Variants in CGRRF1 observed in about 807,000 individuals in gnomAD.
CGRRF1 encodes the protein cell growth regulator with RING finger domain protein 1.
A neutral mutation model predicts 37.2 loss-of-function variants in CGRRF1; 32 were observed. The ratio of observed to expected loss-of-function variants is 0.86; its 90% CI spans 0.65 to 1.16. The LOEUF (loss-of-function observed/expected upper bound fraction) is 1.16, where lower values mean the gene tolerates loss of function less well. Among genes scored for constraint, CGRRF1 ranks in the 50% most tolerant of loss-of-function variants. The pLI, the probability that CGRRF1 is intolerant of heterozygous loss-of-function variation, is 0.00. For synonymous variants in CGRRF1, 141 were observed against 140.3 expected (o/e 1.00, Z -0.04); for missense variants, 391 against 382.6 (o/e 1.02, Z -0.18).
chr14:54,514,029 C>T (rs1361507109), intron 1 of CGRRF1, among the ~76,000 whole-genome samples: 2 of 152,026 alleles, frequency 1.3e-5, no homozygotes, highest in East Asian at 3.9e-4. Context: ...ACAGAAGCTG[C>T]TTACTTTTGA....
rs1245012621 is a variant in CGRRF1, at chr14:54,530,283, A to ACC, written c.422+57_422+58insCC. 6 of 1,432,518 alleles carry ACC rather than the reference A, an allele frequency of 4.2e-6. No individual in the cohort carries two copies. The Admixed American group carries it at 9.1e-5, about 22-fold the overall frequency. The allele number at this position is 1,432,518 out of a possible 1,614,324, so 88.7% of individuals were successfully genotyped here. A position where few individuals can be genotyped will look rare whatever the true frequency, so the allele number is the denominator to read the frequency against. ...TGAAAATTAGACTTCTTATGGATAAAGTGTTGCTAACTTATTGATCATTCT... is the reference window on the plus strand; with the variant it reads ...TGAAAATTAGACTTCTTATGGATAAACCGTGTTGCTAACTTATTGATCATTCT... On this transcript the variant is annotated intron_variant, in intron 3 of 5. Transcript: ENST00000216420.
At chr14:54,512,426 A>G (rs2032144402) in intron 1 of CGRRF1, among the ~76,000 whole-genome samples, 2 of 152,242 alleles carry the variant, frequency 1.3e-5, no homozygotes, top group African/African-American at 2.4e-5. Flanking sequence ...AAGAAGCCCA[A>G]AAGTCCATTT....
chr14:54,522,009 A>G (rs2032325153), intron 1 of CGRRF1, among the ~76,000 whole-genome samples: 2 of 152,160 alleles, frequency 1.3e-5, no homozygotes, highest in African/African-American at 4.8e-5. Context: ...TCCTTCCTTG[A>G]TATCTGAGGG....
chr14:54,532,882 A>G (rs1472395276), intron 4 of CGRRF1, among the ~76,000 whole-genome samples: 1 of 151,842 alleles, frequency 6.6e-6, no homozygotes, highest in Non-Finnish European at 1.5e-5. Flanking sequence ...GGTGTCTCCT[A>G]TTTCTAGCTT....
chr14:54,534,907 C>T (rs2032575901), intron 4 of CGRRF1, among the ~76,000 whole-genome samples: 1 of 152,112 alleles, frequency 6.6e-6, no homozygotes, highest in African/African-American at 2.4e-5. Context: ...TTTCTAAAGA[C>T]AGGATCTTAC....
At chr14:54,511,900 C>A (rs148853455) in intron 1 of CGRRF1, among the ~76,000 whole-genome samples, 300 of 152,356 alleles carry the variant, frequency 2.0e-3, no homozygotes, top group African/African-American at 6.6e-3. Flanking sequence ...CCTAACCAGT[C>A]ATCTTGTGCC....
Position 54,530,823 on chromosome 14 carries a change from G to A in CGRRF1, c.423-80G>A, listed in dbSNP as rs535402648. The A allele has an allele frequency of 2.8e-5, 32 of 1,152,432 alleles. No homozygotes were observed. The Middle Eastern group carries it at 7.2e-4, about 26-fold the overall frequency. The allele number at this position is 1,152,432 out of a possible 1,614,324, so 71.4% of individuals were successfully genotyped here. ...AAATTAGACTTCTTATGGATAAAGT[G>A]TTGCTAACTTATTGATCATTTTTGG... is the stretch of plus-strand genomic sequence containing the variant. On this transcript the variant is annotated intron_variant, in intron 3 of 5. Transcript: ENST00000216420.
intron 4 of CGRRF1, 138 bp downstream of exon 4, chr14:54,531,188 G>A (rs1264107239): frequency 3.1e-6 from 2 of 644,108 alleles, no homozygotes; most frequent in Non-Finnish European, 5.3e-6. Flanking sequence ...TACCTATTTG[G>A]TTTTTATATG....
chr14:54,525,584 CAG>C (rs1385264139), intron 2 of CGRRF1, among the ~76,000 whole-genome samples: 1 of 152,114 alleles, frequency 6.6e-6, no homozygotes, highest in African/African-American at 2.4e-5. Flanking sequence ...TTATACTCAA[CAG>C]AGTAAAATTC....
rs2032646384 is a variant in CGRRF1 at position 54,538,884 on chromosome 14, T to C, written c.*501T>C. 3 of 153,892 alleles carry C rather than the reference T, an allele frequency of 1.9e-5. No individual in the cohort carries two copies. The highest frequency in any genetic ancestry group is 1.9e-4 in the Admixed American group (3 of 15,638). 9.5% of individuals were successfully genotyped at this position (153,892 alleles called of 1,614,324 possible). A position where few individuals can be genotyped will look rare whatever the true frequency, so the allele number is the denominator to read the frequency against. ...CTTTTATAAATATCCATCTGTTTGG[T>C]TTCTAATGTCCCTTATTATAGTTAC... is the stretch of plus-strand genomic sequence containing the variant. On this transcript the variant is annotated 3_prime_UTR_variant, in exon 6 of 6. Transcript: ENST00000216420.
chr14:54,527,315 T>C (rs1443705717), intron 2 of CGRRF1, among the ~76,000 whole-genome samples: 2 of 152,188 alleles, frequency 1.3e-5, no homozygotes, highest in Admixed American at 6.5e-5. Context: ...CCTCAGTTTA[T>C]GTAATGGACA....
chr14:54,537,647 G>C, intron 4 of CGRRF1, 75 bp from the exon 5 acceptor site: 1 of 1,337,766 alleles, frequency 7.5e-7, no homozygotes, highest in Non-Finnish European at 9.7e-7. Context: ...AGAAGCAGTT[G>C]AAAAGCATTT....
At chr14:54,530,656 T>C (rs2032497752) in intron 3 of CGRRF1, 4 of 828,904 alleles carry the variant, frequency 4.8e-6, no homozygotes, top group Non-Finnish European at 7.5e-6. Context: ...TGCTAACTTA[T>C]TGATCATTTT....
At chr14:54,530,311 G>T in intron 3 of CGRRF1, 85 bp downstream of exon 3, 1 of 1,371,588 alleles carries the variant, frequency 7.3e-7, no homozygotes, top group East Asian at 2.3e-5. Flanking sequence ...ATCATTCTTG[G>T]TATACTAGAA....
chr14:54,531,323 G>T (rs1274497321), intron 4 of CGRRF1, among the ~76,000 whole-genome samples: 1 of 151,158 alleles, frequency 6.6e-6, no homozygotes, highest in African/African-American at 2.4e-5. Flanking sequence ...ACACCTATTT[G>T]GTTGTATACA....
intron 4 of CGRRF1, among the ~76,000 whole-genome samples, chr14:54,533,496 C>T (rs1459764327): frequency 2.0e-5 from 3 of 152,188 alleles, no homozygotes; most frequent in South Asian, 2.1e-4. Flanking sequence ...AATATTGGCA[C>T]TCAAATATAT....
chr14:54,516,009 T>C (rs772398988), intron 1 of CGRRF1, among the ~76,000 whole-genome samples: 21 of 152,198 alleles, frequency 1.4e-4, no homozygotes, highest in Non-Finnish European at 5.9e-5. Context: ...CCTCTTTTAT[T>C]TTACTAGTCT....
At chr14:54,515,653 T>C (rs1455120420) in intron 1 of CGRRF1, among the ~76,000 whole-genome samples, 2 of 152,230 alleles carry the variant, frequency 1.3e-5, no homozygotes, top group Non-Finnish European at 2.9e-5. Flanking sequence ...GACCCTTATA[T>C]CACTATGAAA....
intron 1 of CGRRF1, among the ~76,000 whole-genome samples, chr14:54,514,875 G>A (rs935012206): frequency 6.6e-6 from 1 of 152,012 alleles, no homozygotes; most frequent in African/African-American, 2.4e-5. Context: ...TTATTTAGAA[G>A]TTTGTTATTG....
Sources: gnomAD v4.1 joint callset for allele counts (sites outside exome capture counted in the v4.1 genomes callset) on GRCh38, gnomAD v4.1.1 for gene constraint, MANE v1.5 for transcripts, NCBI Gene and HGNC (gene_info 2026-07-23, HGNC 2026-07-21) for gene names.